The following CFAP221 variants were observed in gnomAD, a reference collection of about 807,000 sequenced individuals.
The protein encoded by CFAP221 is cilia- and flagella-associated protein 221.
A neutral mutation model predicts 113.1 loss-of-function variants in CFAP221; 97 were observed. The observed-to-expected ratio is 0.86, with a 90% CI of 0.73 to 1.02. The LOEUF is 1.02. CFAP221 is among the 50% of genes least tolerant of loss of function. CFAP221 has a pLI of 0.00. For missense variants in CFAP221, 1,025 were observed against 1,013.4 expected (o/e 1.01, Z -0.16); for synonymous variants, 331 against 354.4 (o/e 0.93, Z 0.74).
At chr2:119,616,437 A>C (rs1362946585) in intron 14 of CFAP221, among the ~76,000 whole-genome samples, 3 of 152,192 alleles carry the variant, frequency 2.0e-5, no homozygotes, top group African/African-American at 7.2e-5. Context: ...AGAACAATTG[A>C]GAATGTCTGA....
chr2:119,552,927 T>C (rs1344416350), intron 3 of CFAP221, among the ~76,000 whole-genome samples: 1 of 152,202 alleles, frequency 6.6e-6, no homozygotes, highest in African/African-American at 2.4e-5. Flanking sequence ...TGGTTGATGT[T>C]ACCTTGTTTC....
Position 119,630,570 on chromosome 2 carries a change from G to A in CFAP221, c.1732G>A (p.Val578Ile), listed in dbSNP as rs1185666247. The change falls in exon 18 of 24, where the codon GTT becomes ATT. Residue 578 changes from valine to isoleucine, a missense_variant and splice_region_variant. Val to Ile is a conservative substitution (Grantham distance 29). Transcript: ENST00000413369. ...ATTTTCAATCTTCTTTCACCTTCAG[G>A]TTCCTCAACTGTACAAAATTAAGAG... ...KQSYSFFNLQ[V>I]PQLYKIKRYQ... 4 of 1,598,694 alleles carry A rather than the reference G, an allele frequency of 2.5e-6. No homozygotes were observed. Among genetic ancestry groups the A allele is most frequent in the Non-Finnish European group, 3.4e-6 (4 of 1,166,418 alleles).
intron 19 of CFAP221, among the ~76,000 whole-genome samples, chr2:119,634,048 C>T (rs958513381): frequency 3.3e-5 from 5 of 152,206 alleles, no homozygotes; most frequent in Middle Eastern, 6.8e-3. Flanking sequence ...TTCAAGGCTG[C>T]AGTAAGCTGT....
intron 6 of CFAP221, among the ~76,000 whole-genome samples, chr2:119,582,946 A>G (rs962189024): frequency 6.6e-6 from 1 of 152,226 alleles, no homozygotes; most frequent in Non-Finnish European, 1.5e-5. Context: ...AAATAAGTTC[A>G]AATATATCTA....
chr2:119,636,753 G>A (rs772094849), intron 19 of CFAP221, among the ~76,000 whole-genome samples: 2 of 152,226 alleles, frequency 1.3e-5, no homozygotes, highest in Non-Finnish European at 2.9e-5. Flanking sequence ...GCCGAGGTGA[G>A]TCGCTACCAC....
At chr2:119,628,950 G>A (rs568589350) in intron 16 of CFAP221, among the ~76,000 whole-genome samples, 2 of 152,222 alleles carry the variant, frequency 1.3e-5, no homozygotes, top group East Asian at 1.9e-4. Flanking sequence ...AAGCTGATAT[G>A]TTTCATTTGA....
chr2:119,602,902 C>A, intron 8 of CFAP221: 1 of 428,254 alleles, frequency 2.3e-6, no homozygotes, highest in Non-Finnish European at 3.1e-6. Context: ...CATTGTATGA[C>A]AGAAGCACCA....
chr2:119,606,627 GT>G (rs1490203699), intron 11 of CFAP221, among the ~76,000 whole-genome samples: 2 of 152,026 alleles, frequency 1.3e-5, no homozygotes, highest in East Asian at 3.9e-4. Flanking sequence ...CTGAAAACAT[GT>G]TTTTTTACAT....
chr2:119,644,903 T>C (rs1687704789), intron 21 of CFAP221, among the ~76,000 whole-genome samples: 1 of 152,126 alleles, frequency 6.6e-6, no homozygotes, highest in African/African-American at 2.4e-5. Context: ...ACTTACTCAA[T>C]CTTATAATAC....
chr2:119,577,861 A>G (rs1302162805), intron 6 of CFAP221, among the ~76,000 whole-genome samples: 1 of 152,226 alleles, frequency 6.6e-6, no homozygotes, highest in African/African-American at 2.4e-5. Context: ...CTTTTTCTGT[A>G]TAAAAACCAC....
chr2:119,564,939 T>A (rs914894960), intron 6 of CFAP221, among the ~76,000 whole-genome samples: 5 of 152,160 alleles, frequency 3.3e-5, no homozygotes, highest in African/African-American at 1.2e-4. Context: ...CAGCACAGAT[T>A]GGGTTACTAT....
In CFAP221 at chr2:119,606,881, T is replaced by C. The variant is rs367918374; in HGVS notation, c.1133+1592T>C. On this transcript the variant is annotated intron_variant, in intron 11 of 23. Coordinates refer to ENST00000413369, the MANE Select transcript of CFAP221 (RefSeq NM_001271049.2). Reference sequence around the variant, plus strand: ...ATTGTTGACATTATGACACATACACTTCCCCTCACTCCACACACATGCACA... The same window carrying C: ...ATTGTTGACATTATGACACATACACCTCCCCTCACTCCACACACATGCACA... 1.1e-4 allele frequency among the ~76,000 whole-genome samples: 17 copies of C among 152,160 alleles called. No individual in the cohort carries two copies. The East Asian group carries it at 3.1e-3, about 28-fold the overall frequency.
At chr2:119,554,290 C>A (rs1319482244) in intron 3 of CFAP221, among the ~76,000 whole-genome samples, 1 of 152,178 alleles carries the variant, frequency 6.6e-6, no homozygotes, top group African/African-American at 2.4e-5. Flanking sequence ...GCTAAAGGAT[C>A]TGAAACATTT....
chr2:119,614,294 T>C (rs1157302002), intron 13 of CFAP221, among the ~76,000 whole-genome samples: 1 of 152,244 alleles, frequency 6.6e-6, no homozygotes, highest in African/African-American at 2.4e-5. Context: ...CTCTGCTTGT[T>C]ACCCAGTTCC....
intron 15 of CFAP221, among the ~76,000 whole-genome samples, chr2:119,626,584 A>G (rs1686321434): frequency 6.6e-6 from 1 of 152,112 alleles, no homozygotes; most frequent in African/African-American, 2.4e-5. Context: ...TCAACCTAGC[A>G]TTTGCACATT....
At chr2:119,609,855 T>G (rs1685031807) in intron 12 of CFAP221, among the ~76,000 whole-genome samples, 1 of 152,244 alleles carries the variant, frequency 6.6e-6, no homozygotes, top group South Asian at 2.1e-4. Context: ...GAATGTACTT[T>G]TCTTTCCAGA....
intron 11 of CFAP221, among the ~76,000 whole-genome samples, chr2:119,605,699 A>G (rs1385452324): frequency 6.6e-6 from 1 of 152,050 alleles, no homozygotes; most frequent in African/African-American, 2.4e-5. Context: ...GGGGGCTCCT[A>G]ATGGAGGTTT....
chr2:119,605,677 G>A (rs897862574), intron 11 of CFAP221, among the ~76,000 whole-genome samples: 6 of 152,184 alleles, frequency 3.9e-5, no homozygotes, highest in Admixed American at 2.0e-4. Context: ...AGCCCAGTGG[G>A]GTGAGGCTCT....
intron 7 of CFAP221, among the ~76,000 whole-genome samples, chr2:119,593,586 T>C (rs937781889): frequency 1.2e-4 from 18 of 152,102 alleles, no homozygotes; most frequent in African/African-American, 3.9e-4. Flanking sequence ...ACGCCTGTAA[T>C]CCCAGCACTT....
Sources: gnomAD v4.1 joint callset for allele counts (sites outside exome capture counted in the v4.1 genomes callset) on GRCh38, gnomAD v4.1.1 for gene constraint, MANE v1.5 for transcripts, NCBI Gene and HGNC (gene_info 2026-07-23, HGNC 2026-07-21) for gene names.